ANO4: variants seen among roughly 807,000 people sequenced by gnomAD.
The protein encoded by ANO4 is anoctamin 4, also known as anoctamin-4.
Under a neutral mutation model 141.9 loss-of-function variants are expected in ANO4, and 69 were observed. The ratio of observed to expected loss-of-function variants is 0.49; its 90% CI spans 0.40 to 0.59. The LOEUF (loss-of-function observed/expected upper bound fraction) is 0.59, where lower values mean the gene tolerates loss of function less well. Among genes scored for constraint, ANO4 ranks in the 20% least tolerant of loss-of-function variants. ANO4 has a pLI of 0.00. For missense variants in ANO4, 894 were observed against 1,162.2 expected (o/e 0.77, Z 3.36); for synonymous variants, 350 against 394.3 (o/e 0.89, Z 1.33).
intron 1 of ANO4, among the ~76,000 whole-genome samples, chr12:100,805,436 C>A (rs1330188428): frequency 6.6e-6 from 1 of 152,016 alleles, no homozygotes; most frequent in Non-Finnish European, 1.5e-5. Flanking sequence ...TATTTGGGTT[C>A]TTTTTTGGTT....
chr12:100,742,829 A>G (rs1163718846), intron 3 of ANO4, among the ~76,000 whole-genome samples: 1 of 152,054 alleles, frequency 6.6e-6, no homozygotes, highest in East Asian at 1.9e-4. Context: ...CTTTCCCTTC[A>G]TTGTGTGACT....
At chr12:100,765,153 C>T (rs777116644) in intron 3 of ANO4, among the ~76,000 whole-genome samples, 5 of 151,984 alleles carry the variant, frequency 3.3e-5, no homozygotes, top group Non-Finnish European at 7.4e-5. Context: ...TCTTCTGTTC[C>T]GAGATTCTAT....
At chr12:100,859,572 A>G (rs1476244308) in intron 1 of ANO4, among the ~76,000 whole-genome samples, 1 of 152,198 alleles carries the variant, frequency 6.6e-6, no homozygotes, top group Non-Finnish European at 1.5e-5. Context: ...TTCCTCCGAT[A>G]CATGGATCAA....
chr12:100,921,740 C>T (rs571629393), intron 2 of ANO4, among the ~76,000 whole-genome samples: 3 of 152,118 alleles, frequency 2.0e-5, no homozygotes, highest in South Asian at 2.1e-4. Flanking sequence ...AATGATGAAT[C>T]GGGGAGGTCT....
chr12:100,932,117 T>C (rs1269871521), intron 3 of ANO4, among the ~76,000 whole-genome samples: 1 of 151,916 alleles, frequency 6.6e-6, no homozygotes, highest in Non-Finnish European at 1.5e-5. Flanking sequence ...AGAGAATGAA[T>C]ATAGATACTT....
intron 9 of ANO4, among the ~76,000 whole-genome samples, chr12:101,033,972 TAA>T (rs2047091358): frequency 6.6e-6 from 1 of 152,064 alleles, no homozygotes; most frequent in African/African-American, 2.4e-5. Context: ...GGCGATTATT[TAA>T]AAGTCAAGAA....
Position 100,781,192 on chromosome 12 carries a change from ACT to A in ANO4, c.358+41092_358+41093del, listed in dbSNP as rs530898078. On this transcript the variant is annotated intron_variant, in intron 3 of 29. Transcript: ENST00000644049. ...TTTATTAGATACTCTAATGTGCCAAACTCTCTTAAATATTATAAACACTTTTA... is the reference window on the plus strand; with the variant it reads ...TTTATTAGATACTCTAATGTGCCAAACTCTTAAATATTATAAACACTTTTA... Among the ~76,000 whole-genome samples, 466 of 152,260 alleles carry A rather than the reference ACT, an allele frequency of 3.1e-3. 3 individuals are homozygous for A. The highest frequency in any genetic ancestry group is 0.01 in the African/African-American group (436 of 41,546).
intron 1 of ANO4, among the ~76,000 whole-genome samples, chr12:100,801,093 G>GTCTCTCTCTCTCTCTCTC (rs35462149): frequency 3.4e-5 from 5 of 147,260 alleles, no homozygotes; most frequent in African/African-American, 7.5e-5. Flanking sequence ...TTGTCTACTT[G>GTCTCTCTCTCTCTCTCTC]TCTCTCTCTC....
At chr12:100,835,311 A>G (rs1225863410) in intron 1 of ANO4, among the ~76,000 whole-genome samples, 1 of 152,118 alleles carries the variant, frequency 6.6e-6, no homozygotes, top group African/African-American at 2.4e-5. Flanking sequence ...GAGTGGTTGA[A>G]TTACAGATAC....
intron 1 of ANO4, among the ~76,000 whole-genome samples, chr12:100,816,412 T>A (rs1424723214): frequency 1.3e-5 from 2 of 151,954 alleles, no homozygotes; most frequent in Non-Finnish European, 2.9e-5. Context: ...CAAAGAATAT[T>A]TCAGATAGTG....
intron 14 of ANO4, among the ~76,000 whole-genome samples, chr12:101,078,278 T>C (rs1220391402): frequency 6.6e-6 from 1 of 152,128 alleles, no homozygotes; most frequent in African/African-American, 2.4e-5. Context: ...TCCTAGGGTA[T>C]GTCTGTTATA....
rs191592947 is a variant in ANO4, at chr12:100,950,154, G to A, written c.456+7619G>A. On this transcript the variant is annotated intron_variant, in intron 5 of 27. Transcript: ENST00000392977. ...CACAGTTGAAAACATGATGATGAGT[G>A]TCTCAAATAAATGAGTGTCAGGACT... Among the ~76,000 whole-genome samples the A allele has an allele frequency of 6.4e-3, 969 of 152,168 alleles. 10 individuals carry two copies. Among genetic ancestry groups the A allele is most frequent in the Non-Finnish European group, 0.011 (722 of 68,006 alleles).
At chr12:100,934,365 C>T (rs1024261911) in intron 3 of ANO4, among the ~76,000 whole-genome samples, 1 of 152,296 alleles carries the variant, frequency 6.6e-6, no homozygotes, top group South Asian at 2.1e-4. Flanking sequence ...ATCCTTTCTG[C>T]GTTTCTTGTT....
chr12:101,109,551 ACT>A (rs2050580912), intron 22 of ANO4, among the ~76,000 whole-genome samples: 1 of 151,744 alleles, frequency 6.6e-6, no homozygotes, highest in African/African-American at 2.4e-5. Flanking sequence ...ACAGAGCTAG[ACT>A]CTGTCTCAAA....
intron 8 of ANO4, among the ~76,000 whole-genome samples, chr12:101,013,832 C>G (rs187361760): frequency 6.6e-6 from 1 of 152,098 alleles, no homozygotes; most frequent in Admixed American, 6.5e-5. Flanking sequence ...ATCTAATGTT[C>G]CCTTCAGTTA....
chr12:100,863,085 C>T (rs1272044990), intron 1 of ANO4, among the ~76,000 whole-genome samples: 3 of 152,076 alleles, frequency 2.0e-5, no homozygotes. Flanking sequence ...GAAAGGTTCC[C>T]AACAGAGGGG....
intron 1 of ANO4, among the ~76,000 whole-genome samples, chr12:100,718,263 G>T (rs973167942): frequency 3.3e-5 from 5 of 152,200 alleles, no homozygotes; most frequent in Non-Finnish European, 5.9e-5. Flanking sequence ...AGCCAGCAAG[G>T]CTTCTTATCA....
At chr12:100,916,771 G>A (rs181133891) in intron 2 of ANO4, among the ~76,000 whole-genome samples, 36 of 152,160 alleles carry the variant, frequency 2.4e-4, no homozygotes, top group Non-Finnish European at 4.4e-4. Context: ...ATTCTAGGTG[G>A]GCCTTGAAAG....
At chr12:101,063,506 A>T (rs1219166575) in intron 14 of ANO4, among the ~76,000 whole-genome samples, 1 of 152,028 alleles carries the variant, frequency 6.6e-6, no homozygotes, top group East Asian at 1.9e-4. Context: ...ATCTATCTTC[A>T]TGAGGGTTAT....
Sources: allele counts gnomAD v4.1 joint callset (sites outside exome capture counted in the v4.1 genomes callset), GRCh38; gene constraint gnomAD v4.1.1; transcripts MANE v1.5; gene names NCBI Gene and HGNC (gene_info 2026-07-23, HGNC 2026-07-21).